Variants in MIGA1 observed in about 807,000 individuals in gnomAD.
The protein encoded by MIGA1 is mitoguardin 1.
In MIGA1, 58 loss-of-function variants were observed where a neutral mutation model predicts 82.0. That is an observed-to-expected ratio of 0.71 (90% CI 0.57 to 0.88). The LOEUF (loss-of-function observed/expected upper bound fraction) is 0.88, where lower values mean the gene tolerates loss of function less well. MIGA1 is among the 40% of genes least tolerant of loss of function. The probability of loss-of-function intolerance (pLI) is 0.00; values close to 1 mark genes in which losing one functional copy is unlikely to be tolerated. For synonymous variants in MIGA1, 249 were observed against 253.6 expected (o/e 0.98, Z 0.17); for missense variants, 751 against 749.1 (o/e 1.00, Z -0.03).
At chr1:77,821,133 T>TA (rs35171376) in intron 7 of MIGA1, among the ~76,000 whole-genome samples, 167 of 146,482 alleles carry the variant, frequency 1.1e-3, no homozygotes, top group African/African-American at 3.1e-3. Flanking sequence ...GACTCCGTCT[T>TA]AAAAAAAAAA....
At chr1:77,857,937 TAA>T in intron 8 of MIGA1, among the ~76,000 whole-genome samples, 1 of 152,222 alleles carries the variant, frequency 6.6e-6, no homozygotes. Context: ...GTTTTTGTAC[TAA>T]GTTTTGCTTC....
intron 8 of MIGA1, among the ~76,000 whole-genome samples, chr1:77,843,697 A>T (rs538071587): frequency 1.3e-5 from 2 of 152,182 alleles, no homozygotes; most frequent in Non-Finnish European, 2.9e-5. Context: ...GCAATTTTTC[A>T]ACTTATATCA....
At chr1:77,825,618 AG>A (rs200379709) in intron 7 of MIGA1, among the ~76,000 whole-genome samples, 2 of 152,344 alleles carry the variant, frequency 1.3e-5, no homozygotes, top group Admixed American at 6.5e-5. Flanking sequence ...AGTTATGCAG[AG>A]AAGACATGAA....
chr1:77,849,276 A>G (rs1684959140), intron 8 of MIGA1, among the ~76,000 whole-genome samples: 1 of 152,156 alleles, frequency 6.6e-6, no homozygotes, highest in Non-Finnish European at 1.5e-5. Flanking sequence ...GCATGCCTGT[A>G]GTCCCAGCTG....
intron 7 of MIGA1, among the ~76,000 whole-genome samples, chr1:77,831,574 A>G (rs1447929218): frequency 6.6e-6 from 1 of 152,186 alleles, no homozygotes; most frequent in East Asian, 1.9e-4. Context: ...TCATGAGGAA[A>G]TTCTCATCTT....
intron 4 of MIGA1, among the ~76,000 whole-genome samples, chr1:77,804,461 G>A (rs1683008997): frequency 6.6e-6 from 1 of 152,166 alleles, no homozygotes; most frequent in African/African-American, 2.4e-5. Flanking sequence ...GGTGCCTATA[G>A]TCTCAGCTAT....
intron 7 of MIGA1, among the ~76,000 whole-genome samples, chr1:77,822,428 G>C (rs1387903491): frequency 6.6e-6 from 1 of 151,886 alleles, no homozygotes; most frequent in Non-Finnish European, 1.5e-5. Context: ...CCTGTCTCTA[G>C]AGAAAAAAAG....
At chr1:77,795,219 C>T (rs763488645) in intron 2 of MIGA1, among the ~76,000 whole-genome samples, 1 of 152,174 alleles carries the variant, frequency 6.6e-6, no homozygotes, top group Non-Finnish European at 1.5e-5. Flanking sequence ...CTGCCTCGGC[C>T]TCTCAAAGTG....
chr1:77,782,834 C>CCAGGT, intron 1 of MIGA1: 1 of 983,498 alleles, frequency 1.0e-6, no homozygotes, highest in Non-Finnish European at 1.2e-6. Context: ...AACCTGCCTG[C>CCAGGT]CACCTACTCT....
chr1:77,869,745 C>CG (rs1460881020), intron 14 of MIGA1, among the ~76,000 whole-genome samples: 1 of 111,602 alleles, frequency 9.0e-6, no homozygotes, highest in Non-Finnish European at 1.8e-5. Context: ...CCGACCCCCC[C>CG]CCCGCCTGCC....
intron 2 of MIGA1, among the ~76,000 whole-genome samples, chr1:77,790,649 G>T (rs1167065787): frequency 2.0e-5 from 3 of 148,852 alleles, no homozygotes; most frequent in Non-Finnish European, 4.4e-5. Flanking sequence ...GCAATGGTGC[G>T]ATCTTGGCTC....
chr1:77,808,339 T>G (rs1683187142), intron 5 of MIGA1, among the ~76,000 whole-genome samples: 1 of 152,164 alleles, frequency 6.6e-6, no homozygotes. Context: ...ATTTATAAGG[T>G]AACATTTACA....
At chr1:77,806,344 C>T (rs956862742) in intron 4 of MIGA1, among the ~76,000 whole-genome samples, 28 of 152,140 alleles carry the variant, frequency 1.8e-4, no homozygotes, top group African/African-American at 6.5e-4. Context: ...CCGTCGTTGA[C>T]CCAGATGTTG....
At chr1:77,807,126 A>G (rs112864778) in intron 5 of MIGA1, 25 bp downstream of exon 5, 4 of 1,531,708 alleles carry the variant, frequency 2.6e-6, no homozygotes, top group African/African-American at 2.8e-5. Context: ...ATAACATTTT[A>G]AGATACTGTG....
chr1:77,782,545 G>A (rs1269753889), intron 1 of MIGA1, among the ~76,000 whole-genome samples: 2 of 152,132 alleles, frequency 1.3e-5, no homozygotes, highest in African/African-American at 4.8e-5. Context: ...GTAAAATTAC[G>A]TTTCTGGCTC....
At chr1:77,781,527 TACAA>T (rs1263684180) in intron 1 of MIGA1, among the ~76,000 whole-genome samples, 2 of 152,188 alleles carry the variant, frequency 1.3e-5, no homozygotes, top group African/African-American at 4.8e-5. Context: ...AATCAAGTAT[TACAA>T]ACAGACTTAT....
chr1:77,867,774 T>C (rs1282749230), intron 14 of MIGA1, among the ~76,000 whole-genome samples: 1 of 152,222 alleles, frequency 6.6e-6, no homozygotes, highest in African/African-American at 2.4e-5. Context: ...ATCTTATAAC[T>C]TTGAGACAGT....
chr1:77,863,227 A>G (rs1571012360), intron 12 of MIGA1, among the ~76,000 whole-genome samples: 1 of 151,894 alleles, frequency 6.6e-6, no homozygotes, highest in East Asian at 1.9e-4. Context: ...TCTTTCTGTC[A>G]CCCCTCTTGG....
chr1:77,785,795 T>C (rs953230951), intron 2 of MIGA1, among the ~76,000 whole-genome samples: 2 of 152,214 alleles, frequency 1.3e-5, no homozygotes, highest in African/African-American at 4.8e-5. Context: ...GCTGCTTTTA[T>C]GGGCTGGCAT....
Sources: allele counts gnomAD v4.1 joint callset (sites outside exome capture counted in the v4.1 genomes callset), GRCh38; gene constraint gnomAD v4.1.1; transcripts MANE v1.5; gene names NCBI Gene and HGNC (gene_info 2026-07-23, HGNC 2026-07-21).